The following PRDM16 variants were observed in gnomAD, a reference collection of about 807,000 sequenced individuals.
The protein encoded by PRDM16 is PR/SET domain 16, also known as histone-lysine N-methyltransferase PRDM16.
PRDM16 carries 23 observed loss-of-function variants against 110.6 expected under a neutral mutation model. The ratio of observed to expected loss-of-function variants is 0.21; its 90% CI spans 0.15 to 0.29. The LOEUF is 0.29. Ranked by LOEUF, PRDM16 falls within the 10% of genes least tolerant of loss-of-function variation. PRDM16 has a pLI of 1.00. For missense variants in PRDM16, 1,615 were observed against 1,794.3 expected (o/e 0.90, Z 1.81); for synonymous variants, 799 against 781.8 (o/e 1.02, Z -0.37).
In PRDM16 at chr1:3,208,483, T is replaced by C. The variant is rs1638805121; in HGVS notation, c.387+22009T>C. Reference sequence around the variant, plus strand: ...GAGTTCGAGATCAGCCTGACCAATATGGTGAGACGATGTCTCTACTAAAAA... The same window carrying C: ...GAGTTCGAGATCAGCCTGACCAATACGGTGAGACGATGTCTCTACTAAAAA... On this transcript the variant is annotated intron_variant, in intron 2 of 16. Coordinates refer to ENST00000270722, the MANE Select transcript of PRDM16 (RefSeq NM_022114.4). The surrounding 1 kb of genome is among the most constrained non-coding windows in gnomAD (Gnocchi z 6.1). The C allele has an allele frequency of 6.6e-6, 1 of 152,050 alleles. No individual in the cohort carries two copies. Among genetic ancestry groups the C allele is most frequent in the Non-Finnish European group, 1.5e-5 (1 of 68,034 alleles). The allele number at this position is 152,050 out of a possible 1,614,324, so 9.4% of individuals were successfully genotyped here. A position where few individuals can be genotyped will look rare whatever the true frequency, so the allele number is the denominator to read the frequency against.
At chr1:3,321,270 GTGTA>G (rs572706064) in intron 3 of PRDM16, among the ~76,000 whole-genome samples, 65 of 152,048 alleles carry the variant, frequency 4.3e-4, no homozygotes, top group African/African-American at 1.5e-3. Flanking sequence ...GAATATTTAT[GTGTA>G]TGTGAGTGTG....
chr1:3,238,516 T>C (rs1430305068), intron 2 of PRDM16, among the ~76,000 whole-genome samples: 1 of 152,184 alleles, frequency 6.6e-6, no homozygotes, highest in Non-Finnish European at 1.5e-5. Context: ...ATTTTTTTAA[T>C]GCAAAAAATA....
intron 3 of PRDM16, among the ~76,000 whole-genome samples, chr1:3,364,550 C>A (rs1049437529): frequency 6.6e-6 from 1 of 152,224 alleles, no homozygotes; most frequent in African/African-American, 2.4e-5. Context: ...GGATTCCCAC[C>A]GCTCAGCCCC....
At chr1:3,428,784 CGGT>C (rs1557671784) in intron 14 of PRDM16, among the ~76,000 whole-genome samples, 1 of 152,192 alleles carries the variant, frequency 6.6e-6, no homozygotes, top group Non-Finnish European at 1.5e-5. Context: ...TCCCAGCCCC[CGGT>C]ACCTCAGAAT....
intron 3 of PRDM16, among the ~76,000 whole-genome samples, chr1:3,331,843 G>A (rs764606186): frequency 3.0e-4 from 46 of 152,274 alleles, no homozygotes; most frequent in Middle Eastern, 6.8e-3. Context: ...GCCCGGCCCC[G>A]TCTGTGGCCA....
intron 3 of PRDM16, among the ~76,000 whole-genome samples, chr1:3,341,619 T>G (rs1163899360): frequency 6.6e-6 from 1 of 152,188 alleles, no homozygotes; most frequent in Non-Finnish European, 1.5e-5. Context: ...AACTTAGGAA[T>G]GTTTGGCTTT....
At chr1:3,205,470 T>A (rs973518563) in intron 2 of PRDM16, among the ~76,000 whole-genome samples, 1 of 151,686 alleles carries the variant, frequency 6.6e-6, no homozygotes, top group South Asian at 2.1e-4. Context: ...GAGAAACCCA[T>A]GAAATACAGA....
chr1:3,278,030 G>A (rs1231558336), intron 3 of PRDM16, among the ~76,000 whole-genome samples: 2 of 152,240 alleles, frequency 1.3e-5, no homozygotes, highest in African/African-American at 4.8e-5. Flanking sequence ...GGAGGGCAGG[G>A]CAGGGGCTTG....
rs764309951 is a variant in PRDM16 at position 3,339,587 on chromosome 1, G to C, written c.439-45565G>C. Among the ~76,000 whole-genome samples, 2 of 151,954 alleles carry C rather than the reference G, an allele frequency of 1.3e-5. No homozygotes were observed. The highest frequency in any genetic ancestry group is 4.8e-5 in the African/African-American group (2 of 41,352). Reference sequence around the variant, plus strand: ...GGGAAGGAGCGTGGGAGGAGGCTGCGGAGCGACCATTGCCTTGGTCTCGCT... The same window carrying C: ...GGGAAGGAGCGTGGGAGGAGGCTGCCGAGCGACCATTGCCTTGGTCTCGCT... On this transcript the variant is annotated intron_variant, in intron 3 of 16. Transcript: ENST00000270722. This position sits in a 1 kb window ranked among gnomAD's most constrained non-coding sequence, Gnocchi z 5.0.
intron 1 of PRDM16, among the ~76,000 whole-genome samples, chr1:3,101,624 G>T (rs570449254): frequency 6.6e-6 from 1 of 152,350 alleles, no homozygotes; most frequent in Non-Finnish European, 1.5e-5. Context: ...AGGAGCCAGG[G>T]CACCCGTGGG....
At chr1:3,114,644 G>A (rs1557457594) in intron 1 of PRDM16, among the ~76,000 whole-genome samples, 2 of 151,950 alleles carry the variant, frequency 1.3e-5, no homozygotes, top group Non-Finnish European at 1.5e-5. Flanking sequence ...ATATGTGCAA[G>A]CACACACACG....
chr1:3,236,527 C>A (rs1384601262), intron 2 of PRDM16, among the ~76,000 whole-genome samples: 1 of 152,232 alleles, frequency 6.6e-6, no homozygotes, highest in Non-Finnish European at 1.5e-5. Context: ...GGGTACTTCA[C>A]CAGCAAGCTG....
At position 3,433,599 on chromosome 1, in the gene PRDM16, C is replaced by A; in HGVS notation, c.3697-78C>A. The stretch of plus-strand genomic sequence containing the variant: ...ATGGCCCGCCCTGCCCACGCGCTCA[C>A]CTGCCTGTCTGGGATGGCCCGCCCT... On this transcript the variant is annotated intron_variant, in intron 16 of 16. Coordinates refer to ENST00000270722, the MANE Select transcript of PRDM16 (RefSeq NM_022114.4). 3 of 1,080,472 alleles carry A rather than the reference C, an allele frequency of 2.8e-6. No homozygotes were observed. In the South Asian group the frequency reaches 5.3e-5, roughly 19 times the overall value. 66.9% of individuals were successfully genotyped at this position (1,080,472 alleles called of 1,614,324 possible).
chr1:3,243,227 G>A lies in PRDM16; in HGVS notation c.388-860G>A, dbSNP rs968690190. Among the ~76,000 whole-genome samples the A allele has an allele frequency of 9.8e-5, 15 of 152,298 alleles. No homozygotes were observed. The highest frequency in any genetic ancestry group is 1.2e-4 in the Non-Finnish European group (8 of 68,020). On this transcript the variant is annotated intron_variant, in intron 2 of 16. Transcript: ENST00000270722. This position sits in a 1 kb window ranked among gnomAD's most constrained non-coding sequence, Gnocchi z 5.5. ...GCTGGGGGTCCTCAGTGGCCACCCC[G>A]GGCACCTGCATGGCACTAGGCACAG...
intron 3 of PRDM16, among the ~76,000 whole-genome samples, chr1:3,367,302 A>G (rs369407500): frequency 2.1e-4 from 32 of 152,166 alleles, no homozygotes; most frequent in African/African-American, 7.5e-4. Context: ...TGGAGCAAGC[A>G]TCTTTAGTGT....
chr1:3,152,448 A>T (rs1233865595), intron 1 of PRDM16, among the ~76,000 whole-genome samples: 3 of 152,030 alleles, frequency 2.0e-5, no homozygotes, highest in Non-Finnish European at 4.4e-5. Flanking sequence ...TGGCTGTCTC[A>T]ACCTGCCAAG....
intron 2 of PRDM16, among the ~76,000 whole-genome samples, chr1:3,200,468 G>A (rs1445435588): frequency 2.0e-5 from 3 of 152,086 alleles, no homozygotes; most frequent in Non-Finnish European, 4.4e-5. Flanking sequence ...TCAGCCTCCC[G>A]AGTAGCTGGG....
intron 1 of PRDM16, among the ~76,000 whole-genome samples, chr1:3,118,203 G>GCA (rs1643012560): frequency 1.3e-5 from 2 of 150,844 alleles, no homozygotes; most frequent in African/African-American, 4.9e-5. Context: ...ATGTACACAC[G>GCA]CACACACGCA....
chr1:3,320,490 C>T (rs1412578609), intron 3 of PRDM16, among the ~76,000 whole-genome samples: 2 of 152,182 alleles, frequency 1.3e-5, no homozygotes, highest in Non-Finnish European at 2.9e-5. Flanking sequence ...CTGGCTGCCT[C>T]CCGGGTTCTT....
Sources: gnomAD v4.1 joint callset for allele counts (sites outside exome capture counted in the v4.1 genomes callset) on GRCh38, gnomAD v4.1.1 for gene constraint, Gnocchi (gnomAD v3.1) non-coding constraint, MANE v1.5 for transcripts, NCBI Gene and HGNC (gene_info 2026-07-23, HGNC 2026-07-21) for gene names.